RAD51B: variants seen among roughly 807,000 people sequenced by gnomAD.
The protein encoded by RAD51B is RAD51 paralog B, also known as DNA repair protein RAD51 homolog 2.
Under a neutral mutation model 42.2 loss-of-function variants are expected in RAD51B, and 38 were observed. The ratio of observed to expected loss-of-function variants is 0.90; its 90% CI spans 0.70 to 1.18. RAD51B has a LOEUF of 1.18. Ranked by LOEUF, RAD51B falls within the 50% of genes most tolerant of loss-of-function variation. The pLI is 0.00. For synonymous variants in RAD51B, 154 were observed against 145.2 expected (o/e 1.06, Z -0.43); for missense variants, 373 against 400.7 (o/e 0.93, Z 0.59).
At chr14:68,357,008 A>T (rs1172923365) in intron 8 of RAD51B, among the ~76,000 whole-genome samples, 1 of 150,226 alleles carries the variant, frequency 6.7e-6, no homozygotes, top group African/African-American at 2.5e-5. Flanking sequence ...AAAAAATGAC[A>T]ATAATGAAGT....
intron 10 of RAD51B, chr14:68,468,720 G>T: frequency 3.3e-6 from 1 of 299,636 alleles, no homozygotes; most frequent in Non-Finnish European, 6.6e-6. Flanking sequence ...ACTCCTTCTG[G>T]TTATCTTGTT....
At chr14:67,856,108 T>A (rs1301220916) in intron 4 of RAD51B, among the ~76,000 whole-genome samples, 1 of 152,232 alleles carries the variant, frequency 6.6e-6, no homozygotes, top group Non-Finnish European at 1.5e-5. Context: ...ACTGTTTGAT[T>A]TTTGTTAATG....
At chr14:67,977,120 T>C (rs758546521) in intron 7 of RAD51B, among the ~76,000 whole-genome samples, 15 of 152,216 alleles carry the variant, frequency 9.9e-5, no homozygotes, top group Non-Finnish European at 1.9e-4. Context: ...TACCAAACAG[T>C]GCCTTTCTTT....
intron 7 of RAD51B, among the ~76,000 whole-genome samples, chr14:67,904,210 G>T (rs922606922): frequency 3.9e-5 from 6 of 152,014 alleles, no homozygotes; most frequent in Admixed American, 1.3e-4. Flanking sequence ...GTGCTGTGAT[G>T]GACATATGTG....
intron 7 of RAD51B, among the ~76,000 whole-genome samples, chr14:68,054,411 A>G (rs910468683): frequency 1.3e-5 from 2 of 152,138 alleles, no homozygotes; most frequent in African/African-American, 4.8e-5. Flanking sequence ...ACACCACAGA[A>G]TTGATATTTT....
intron 7 of RAD51B, among the ~76,000 whole-genome samples, chr14:67,904,786 C>T (rs1118397): frequency 0.063 from 9,531 of 151,714 alleles, 762 homozygotes; most frequent in African/African-American, 0.18. Context: ...TGTTAATTTC[C>T]TCAAATTCTC....
intron 10 of RAD51B, among the ~76,000 whole-genome samples, chr14:68,503,844 A>G (rs1885093048): frequency 6.6e-6 from 1 of 152,246 alleles, no homozygotes; most frequent in Admixed American, 6.5e-5. Context: ...CTGAGGCGCT[A>G]AATAAAATCC....
intron 7 of RAD51B, among the ~76,000 whole-genome samples, chr14:68,094,791 A>C (rs1362628545): frequency 6.6e-6 from 1 of 152,232 alleles, no homozygotes; most frequent in East Asian, 1.9e-4. Flanking sequence ...AAGTTAATTG[A>C]AGAAAAGTAG....
intron 11 of RAD51B, among the ~76,000 whole-genome samples, chr14:68,651,032 A>G (rs1345955905): frequency 1.3e-5 from 2 of 152,240 alleles, no homozygotes; most frequent in African/African-American, 4.8e-5. Context: ...ACAGTACAGT[A>G]ACTGAAGTTT....
At chr14:68,301,560 A>G (rs61501912) in intron 8 of RAD51B, among the ~76,000 whole-genome samples, 4,405 of 148,566 alleles carry the variant, frequency 0.03, 230 homozygotes, top group African/African-American at 0.1. Flanking sequence ...TCTTAGGGTC[A>G]TTAGAATGTG....
At chr14:68,291,268 G>A (rs113461690) in intron 7 of RAD51B, among the ~76,000 whole-genome samples, 25 of 151,572 alleles carry the variant, frequency 1.6e-4, no homozygotes, top group African/African-American at 5.6e-4. Flanking sequence ...GTGCAATCTC[G>A]GCTCACCACA....
chr14:68,193,249 G>C (rs2079303231), intron 7 of RAD51B, among the ~76,000 whole-genome samples: 1 of 152,058 alleles, frequency 6.6e-6, no homozygotes, highest in South Asian at 2.1e-4. Flanking sequence ...ACACTCAAAT[G>C]CTACTTATAT....
chr14:68,325,836 C>G lies in RAD51B; in HGVS notation c.853+33856C>G, dbSNP rs144903752. On this transcript the variant is annotated intron_variant, in intron 8 of 10. Coordinates refer to ENST00000471583, the MANE Select transcript of RAD51B (RefSeq NM_133510.4). Reference sequence around the variant, plus strand: ...TGTCACCACCCATAGCACTGACCATCCTATTGTACCTTAGAACTTAACACT... The same window carrying G: ...TGTCACCACCCATAGCACTGACCATGCTATTGTACCTTAGAACTTAACACT... Among the ~76,000 whole-genome samples, 467 of 152,082 alleles carry G rather than the reference C, an allele frequency of 3.1e-3. 2 individuals carry two copies. Among genetic ancestry groups the G allele is most frequent in the African/African-American group, 0.011 (438 of 41,478 alleles).
chr14:68,014,934 C>T (rs2075751491), intron 7 of RAD51B, among the ~76,000 whole-genome samples: 1 of 151,226 alleles, frequency 6.6e-6, no homozygotes, highest in Admixed American at 6.6e-5. Flanking sequence ...AAACCCTACC[C>T]ACTAGGGCCA....
intron 10 of RAD51B, among the ~76,000 whole-genome samples, chr14:68,586,175 G>A (rs1595000659): frequency 2.0e-5 from 3 of 152,250 alleles, no homozygotes; most frequent in African/African-American, 7.2e-5. Context: ...AGCTGCGATA[G>A]TCCTGTTCCG....
intron 7 of RAD51B, among the ~76,000 whole-genome samples, chr14:67,944,562 G>C (rs1657938556): frequency 6.6e-6 from 1 of 152,100 alleles, no homozygotes; most frequent in African/African-American, 2.4e-5. Flanking sequence ...TTACATTAAA[G>C]AGTAACATAG....
rs1235867882 is a variant in RAD51B, at chr14:68,086,024, C to T, written c.756+198820C>T. ...GCTTCTGTTAGCTCAGTTAGACTCC[C>T]TTCCTTATCTCAAGGACAGAGGGCT... is the stretch of plus-strand genomic sequence containing the variant. On this transcript the variant is annotated intron_variant, in intron 7 of 10. Transcript: ENST00000471583. 2.6e-5 allele frequency among the ~76,000 whole-genome samples: 4 copies of T among 152,208 alleles called. No individual in the cohort carries two copies. In the East Asian group the frequency reaches 7.7e-4, roughly 29 times the overall value.
At chr14:67,870,246 C>T (rs1034615790) in intron 5 of RAD51B, among the ~76,000 whole-genome samples, 17 of 151,796 alleles carry the variant, frequency 1.1e-4, no homozygotes, top group African/African-American at 3.1e-4. Flanking sequence ...GGAAGATCTA[C>T]CAAGCAAATG....
chr14:68,091,771 C>T (rs1411727164), intron 7 of RAD51B, among the ~76,000 whole-genome samples: 3 of 152,128 alleles, frequency 2.0e-5, no homozygotes, highest in African/African-American at 7.2e-5. Context: ...GAAGTCCTTG[C>T]CCATGTCTGT....
Sources: gnomAD v4.1 joint callset for allele counts (sites outside exome capture counted in the v4.1 genomes callset) on GRCh38, gnomAD v4.1.1 for gene constraint, MANE v1.5 for transcripts, NCBI Gene and HGNC (gene_info 2026-07-23, HGNC 2026-07-21) for gene names.